STAC: variants seen among roughly 807,000 people sequenced by gnomAD.
The protein encoded by STAC is SH3 and cysteine-rich domain-containing protein.
In STAC, 43 loss-of-function variants were observed where a neutral mutation model predicts 48.8. The observed-to-expected ratio is 0.88, with a 90% CI of 0.69 to 1.14. The LOEUF (loss-of-function observed/expected upper bound fraction) is 1.14, where lower values mean the gene tolerates loss of function less well. STAC is among the 50% of genes most tolerant of loss of function. The probability of loss-of-function intolerance (pLI) is 0.00; values close to 1 mark genes in which losing one functional copy is unlikely to be tolerated. For synonymous variants in STAC, 193 were observed against 179.5 expected (o/e 1.07, Z -0.60); for missense variants, 497 against 504.0 (o/e 0.99, Z 0.13).
chr3:36,473,261 GGGA>G (rs199865906), intron 2 of STAC, among the ~76,000 whole-genome samples: 4,702 of 152,248 alleles, frequency 0.031, 219 homozygotes, highest in African/African-American at 0.11. Flanking sequence ...TGGGAATTCT[GGGA>G]GATACAATTC....
chr3:36,469,993 C>A (rs1697285764), intron 2 of STAC, among the ~76,000 whole-genome samples: 1 of 152,008 alleles, frequency 6.6e-6, no homozygotes, highest in Non-Finnish European at 1.5e-5. Flanking sequence ...TTTTTTATTT[C>A]TTTAAGTTGG....
intron 8 of STAC, among the ~76,000 whole-genome samples, chr3:36,514,077 C>T (rs1382144653): frequency 1.3e-5 from 2 of 151,990 alleles, no homozygotes; most frequent in African/African-American, 4.8e-5. Flanking sequence ...GCTCGAAACA[C>T]ACATATTTGC....
intron 2 of STAC, among the ~76,000 whole-genome samples, chr3:36,460,175 C>T (rs1696970283): frequency 6.6e-6 from 1 of 151,920 alleles, no homozygotes; most frequent in Non-Finnish European, 1.5e-5. Flanking sequence ...CATTCTTGCC[C>T]TATAGCCTTA....
chr3:36,518,316 T>C (rs1397791357), intron 8 of STAC, among the ~76,000 whole-genome samples: 2 of 152,196 alleles, frequency 1.3e-5, no homozygotes, highest in African/African-American at 4.8e-5. Context: ...ACAATGCCTG[T>C]TCCAAATAAT....
chr3:36,462,468 G>A (rs1282047774), intron 2 of STAC, among the ~76,000 whole-genome samples: 1 of 152,108 alleles, frequency 6.6e-6, no homozygotes, highest in East Asian at 1.9e-4. Flanking sequence ...AAAGGCATAA[G>A]ACCTTTGGAT....
At position 36,380,666 on chromosome 3, in the gene STAC, G is replaced by A. The variant is rs1353001900; in HGVS notation, c.23G>A (p.Arg8His). Residue 8 changes from arginine (R) to histidine (H), a missense_variant, in exon 1 of 11, where the codon CGC becomes CAC. Coordinates refer to ENST00000273183, the MANE Select transcript of STAC (RefSeq NM_003149.3). ...ACGATGATCCCTCCGAGCAGCCCCC[G>A]CGAGGACGGCGTGGACGGGCTGCCC... MIPPSSP[R>H]EDGVDGLPKE... The A allele has an allele frequency of 1.2e-6, 2 of 1,601,852 alleles. No individual in the cohort carries two copies. Among genetic ancestry groups the A allele is most frequent in the Non-Finnish European group, 1.7e-6 (2 of 1,174,646 alleles).
At chr3:36,407,331 C>A (rs112002610) in intron 1 of STAC, among the ~76,000 whole-genome samples, 2 of 152,272 alleles carry the variant, frequency 1.3e-5, no homozygotes, top group African/African-American at 4.8e-5. Flanking sequence ...TTTCCTGCTG[C>A]GTAAATATGA....
intron 2 of STAC, among the ~76,000 whole-genome samples, chr3:36,482,014 C>T (rs753259055): frequency 7.2e-5 from 11 of 152,190 alleles, no homozygotes; most frequent in Non-Finnish European, 8.8e-5. Context: ...ACTACCTCAC[C>T]TTTCTTCCTC....
At position 36,499,616 on chromosome 3, in the gene STAC, C is replaced by A. The variant is rs549894745; in HGVS notation, c.767-4777C>A. 1.1e-4 allele frequency among the ~76,000 whole-genome samples: 16 copies of A among 151,284 alleles called. No homozygotes were observed. In the South Asian group the frequency reaches 3.1e-3, roughly 30 times the overall value. ...CAAAATAAAATGTTAGGAAGGAATCCCAATTTATCAGTAATCAAAATAAAT... is the reference window on the plus strand; with the variant it reads ...CAAAATAAAATGTTAGGAAGGAATCACAATTTATCAGTAATCAAAATAAAT... On this transcript the variant is annotated intron_variant, in intron 6 of 10. Transcript: ENST00000273183.
chr3:36,463,968 A>G (rs911967861), intron 2 of STAC, among the ~76,000 whole-genome samples: 49 of 152,146 alleles, frequency 3.2e-4, no homozygotes, highest in African/African-American at 1.2e-3. Context: ...GAATAGTGCC[A>G]CAGTAAACAT....
At chr3:36,383,064 C>A (rs1035647111) in intron 1 of STAC, among the ~76,000 whole-genome samples, 1 of 152,116 alleles carries the variant, frequency 6.6e-6, no homozygotes, top group African/African-American at 2.4e-5. Context: ...GATATTTGAA[C>A]AGTCCAGACA....
In STAC at chr3:36,528,228, T is replaced by G. The variant is rs561979762; in HGVS notation, c.921-468T>G. Among the ~76,000 whole-genome samples the G allele has an allele frequency of 5.6e-4, 86 of 152,266 alleles. 1 individual carries two copies. Among genetic ancestry groups the G allele is most frequent in the African/African-American group, 1.9e-3 (80 of 41,552 alleles). The stretch of plus-strand genomic sequence containing the variant: ...ACTCACGCCTGTAATCCCAACACTT[T>G]GGGAAGCCGAGGCGGGCAGATCGTG... On this transcript the variant is annotated intron_variant, in intron 8 of 10. Transcript: ENST00000273183.
chr3:36,396,785 C>T (rs1023671612), intron 1 of STAC, among the ~76,000 whole-genome samples: 1 of 152,172 alleles, frequency 6.6e-6, no homozygotes. Context: ...CTCCTAGTTA[C>T]TCAGAATCAC....
intron 1 of STAC, among the ~76,000 whole-genome samples, chr3:36,393,251 T>C (rs539543407): frequency 6.6e-6 from 1 of 152,306 alleles, no homozygotes; most frequent in South Asian, 2.1e-4. Context: ...TACTTTTCCT[T>C]CATTGTAATT....
In STAC at chr3:36,493,245, G is replaced by T; in HGVS notation, c.766+16G>T. The T allele has an allele frequency of 1.2e-6, 2 of 1,612,126 alleles. No homozygotes were observed. The highest frequency in any genetic ancestry group is 2.2e-5 in the South Asian group (2 of 90,992). On this transcript the variant is annotated intron_variant, in intron 6 of 10. Transcript: ENST00000273183. ...AGCAACAGCGGTGAGTGAGGGAGTT[G>T]GCACAGCACAAATGTGATCACATGA... is the stretch of plus-strand genomic sequence containing the variant.
chr3:36,431,415 C>T (rs921362393), intron 1 of STAC, among the ~76,000 whole-genome samples: 1 of 152,324 alleles, frequency 6.6e-6, no homozygotes. Flanking sequence ...TGGCATCAGA[C>T]AGCTTGGCAT....
At chr3:36,409,881 G>A (rs1463049007) in intron 1 of STAC, among the ~76,000 whole-genome samples, 1 of 152,142 alleles carries the variant, frequency 6.6e-6, no homozygotes, top group Admixed American at 6.5e-5. Context: ...GAGGAGATTT[G>A]TTCATGTTCA....
intron 1 of STAC, among the ~76,000 whole-genome samples, chr3:36,423,571 A>C (rs1302593999): frequency 6.6e-6 from 1 of 152,078 alleles, no homozygotes; most frequent in Non-Finnish European, 1.5e-5. Flanking sequence ...ACTTATACAC[A>C]GGCATACAGA....
intron 8 of STAC, among the ~76,000 whole-genome samples, chr3:36,512,592 T>C (rs577068335): frequency 7.7e-4 from 118 of 152,298 alleles, no homozygotes; most frequent in Non-Finnish European, 1.4e-3. Context: ...TGAGGAATGA[T>C]GTCTAGCTGC....
Sources: allele counts gnomAD v4.1 joint callset (sites outside exome capture counted in the v4.1 genomes callset), GRCh38; gene constraint gnomAD v4.1.1; transcripts MANE v1.5; gene names NCBI Gene and HGNC (gene_info 2026-07-23, HGNC 2026-07-21).